The following EFHD1 variants were observed in gnomAD, a reference collection of about 807,000 sequenced individuals.
EFHD1 encodes the protein EF-hand domain family member D1.
In EFHD1, 10 loss-of-function variants were observed where a neutral mutation model predicts 17.2. The observed-to-expected ratio is 0.58, with a 90% CI of 0.36 to 0.99. EFHD1 has a LOEUF of 0.99. EFHD1 is among the 50% of genes least tolerant of loss of function. The pLI, the probability that EFHD1 is intolerant of heterozygous loss-of-function variation, is 0.01. For synonymous variants in EFHD1, 153 were observed against 142.0 expected (o/e 1.08, Z -0.55); for missense variants, 310 against 327.5 (o/e 0.95, Z 0.41).
At chr2:232,661,478 CCCTT>C (rs770842378) in intron 1 of EFHD1, among the ~76,000 whole-genome samples, 1 of 152,046 alleles carries the variant, frequency 6.6e-6, no homozygotes, top group Non-Finnish European at 1.5e-5. Flanking sequence ...TATAAGCCTT[CCCTT>C]CCTTTTTATT....
intron 3 of EFHD1, 58 bp downstream of exon 3, chr2:232,672,501 C>G: frequency 6.5e-7 from 1 of 1,531,760 alleles, no homozygotes; most frequent in Non-Finnish European, 8.8e-7. Context: ...CGCTGCCCAC[C>G]AGACTGCAGC....
chr2:232,613,861 CAT>C (rs1263277537), intron 1 of EFHD1, among the ~76,000 whole-genome samples: 6 of 150,142 alleles, frequency 4.0e-5, no homozygotes, highest in South Asian at 2.1e-4. Flanking sequence ...TATATACACA[CAT>C]AGACAAATAT....
intron 3 of EFHD1, among the ~76,000 whole-genome samples, chr2:232,675,779 T>C (rs753631761): frequency 2.0e-5 from 3 of 152,018 alleles, no homozygotes; most frequent in Admixed American, 6.6e-5. Flanking sequence ...AGGAGACAAA[T>C]TGAGAATTCT....
At position 232,681,913 on chromosome 2, in the gene EFHD1, A is replaced by T; in HGVS notation, c.*194A>T. 1 of 756,250 alleles carries T rather than the reference A, an allele frequency of 1.3e-6. No individual in the cohort carries two copies. Among genetic ancestry groups the T allele is most frequent in the Non-Finnish European group, 2.0e-6 (1 of 498,408 alleles). 46.8% of individuals were successfully genotyped at this position (756,250 alleles called of 1,614,324 possible). On this transcript the variant is annotated 3_prime_UTR_variant, in exon 4 of 4. Coordinates refer to ENST00000264059, the MANE Select transcript of EFHD1 (RefSeq NM_025202.4). ...CTCCAGGAGGGTCCTGGGGTGGGCC[A>T]GATGCCTGCCCACCTCTGTCTCCTG...
At chr2:232,655,847 C>T (rs1694752203) in intron 1 of EFHD1, among the ~76,000 whole-genome samples, 2 of 147,672 alleles carry the variant, frequency 1.4e-5, no homozygotes, top group South Asian at 4.3e-4. Context: ...TGCTCTGTCA[C>T]CCAGGCTGGA....
intron 2 of EFHD1, among the ~76,000 whole-genome samples, chr2:232,665,893 T>G (rs532111550): frequency 6.6e-6 from 1 of 152,266 alleles, no homozygotes; most frequent in East Asian, 1.9e-4. Context: ...TTTTTCACAG[T>G]TCACTGCAGC....
At chr2:232,626,872 A>G (rs751789945) in intron 1 of EFHD1, among the ~76,000 whole-genome samples, 39 of 151,876 alleles carry the variant, frequency 2.6e-4, no homozygotes, top group Non-Finnish European at 4.6e-4. Context: ...ATAACAATAA[A>G]ATGTGAGCTT....
chr2:232,642,203 T>C (rs368303006), intron 1 of EFHD1, among the ~76,000 whole-genome samples: 121 of 151,818 alleles, frequency 8.0e-4, no homozygotes, highest in African/African-American at 2.4e-3. Flanking sequence ...GCCAATATGG[T>C]GAAACCCCGT....
intron 1 of EFHD1, among the ~76,000 whole-genome samples, chr2:232,634,228 G>T (rs1107505): frequency 0.18 from 27,908 of 151,996 alleles, 4,287 homozygotes; most frequent in African/African-American, 0.41. Flanking sequence ...CCGGGACGGA[G>T]CCCAAAAGTT....
intron 1 of EFHD1, among the ~76,000 whole-genome samples, chr2:232,607,616 TGTA>T (rs772373491): frequency 2.7e-5 from 4 of 147,986 alleles, no homozygotes; most frequent in Non-Finnish European, 6.0e-5. Context: ...ATTAGCTGGG[TGTA>T]GTGCCATGCG....
chr2:232,630,970 A>G (rs1694190607), upstream of EFHD1, among the ~76,000 whole-genome samples: 1 of 152,200 alleles, frequency 6.6e-6, no homozygotes, highest in Non-Finnish European at 1.5e-5. Context: ...TCATGCCTGT[A>G]ATCCTAGCAC....
chr2:232,620,986 C>A (rs7607256), intron 1 of EFHD1, among the ~76,000 whole-genome samples: 98,210 of 151,836 alleles, frequency 0.65, 32,036 homozygotes, highest in East Asian at 0.68. Context: ...GGGAGGGGCA[C>A]GGATGGCAAG....
At chr2:232,633,006 T>C (rs1381219279), upstream of EFHD1, among the ~76,000 whole-genome samples, 1 of 149,664 alleles carries the variant, frequency 6.7e-6, no homozygotes, top group East Asian at 1.9e-4. Context: ...AAAACGGGAG[T>C]TTTTTCTGCT....
At chr2:232,629,963 T>G (rs1334402870), upstream of EFHD1, among the ~76,000 whole-genome samples, 2 of 152,006 alleles carry the variant, frequency 1.3e-5, no homozygotes, top group African/African-American at 4.8e-5. Flanking sequence ...TTTGTTTGTT[T>G]GTTTGTTTGA....
At chr2:232,628,250 G>A (rs910468253) in intron 1 of EFHD1, among the ~76,000 whole-genome samples, 3 of 152,006 alleles carry the variant, frequency 2.0e-5, no homozygotes, top group African/African-American at 7.3e-5. Context: ...TAGTAGAGAC[G>A]GGGTTTCACC....
intron 1 of EFHD1, among the ~76,000 whole-genome samples, chr2:232,655,797 G>A (rs2106207179): frequency 7.1e-6 from 1 of 139,890 alleles, no homozygotes; most frequent in Non-Finnish European, 1.6e-5. Flanking sequence ...GTCCTTGTGT[G>A]GGGTCTTTTT....
In EFHD1 at chr2:232,659,448, G is replaced by A. The variant is rs548891698; in HGVS notation, c.303-3354G>A. On this transcript the variant is annotated intron_variant, in intron 1 of 3. Coordinates refer to ENST00000264059, the MANE Select transcript of EFHD1 (RefSeq NM_025202.4). ...TCCTGGGCACAGGAGGACCATAGAGGAGGGCAGGGAGGGGGTGGCTGGGTG... is the reference window on the plus strand; with the variant it reads ...TCCTGGGCACAGGAGGACCATAGAGAAGGGCAGGGAGGGGGTGGCTGGGTG... Among the ~76,000 whole-genome samples the A allele has an allele frequency of 8.5e-5, 13 of 152,290 alleles. No individual in the cohort carries two copies. In the South Asian group the frequency reaches 2.7e-3, roughly 32 times the overall value.
intron 1 of EFHD1, among the ~76,000 whole-genome samples, chr2:232,626,320 C>T (rs1023939620): frequency 4.6e-5 from 7 of 151,892 alleles, no homozygotes; most frequent in East Asian, 1.9e-4. Flanking sequence ...CTGAGGCAGG[C>T]GGATCACTTG....
At chr2:232,637,912 T>G (rs1410158485) in intron 1 of EFHD1, among the ~76,000 whole-genome samples, 1 of 152,176 alleles carries the variant, frequency 6.6e-6, no homozygotes, top group Non-Finnish European at 1.5e-5. Flanking sequence ...GTTTGTTGGG[T>G]GCTTGGAGTG....
Sources: allele counts gnomAD v4.1 joint callset (sites outside exome capture counted in the v4.1 genomes callset), GRCh38; gene constraint gnomAD v4.1.1; transcripts MANE v1.5; gene names NCBI Gene and HGNC (gene_info 2026-07-23, HGNC 2026-07-21).